Variants in PRP4K observed in about 807,000 individuals in gnomAD.
PRP4K encodes serine/threonine-protein kinase PRP4 homolog.
the PRP4K span, among the ~76,000 whole-genome samples, chr6:4,028,078 A>C: frequency 6.6e-6 from 1 of 152,312 alleles, no homozygotes; most frequent in Middle Eastern, 3.4e-3. Context: ...ATTTCTGGGG[A>C]CAAAGGATGA....
chr6:4,036,942 C>T, the PRP4K span, among the ~76,000 whole-genome samples: 5 of 143,452 alleles, frequency 3.5e-5, no homozygotes, highest in African/African-American at 7.9e-5. Flanking sequence ...CCCGTGTTTG[C>T]GCCACTGCAC....
At chr6:4,037,534 G>A in the PRP4K span, 1 of 1,613,900 alleles carries the variant, frequency 6.2e-7, no homozygotes, top group Non-Finnish European at 8.5e-7. Flanking sequence ...AGACGTAGCA[G>A]GTCTCCAAGA....
chr6:4,032,886 A>G, the PRP4K span: 2 of 1,092,940 alleles, frequency 1.8e-6, no homozygotes, highest in East Asian at 6.0e-5. Flanking sequence ...AATGAGTTTC[A>G]TAATTTTAAG....
the PRP4K span, among the ~76,000 whole-genome samples, chr6:4,033,641 A>G: frequency 2.6e-5 from 4 of 152,178 alleles, no homozygotes; most frequent in African/African-American, 7.2e-5. Flanking sequence ...GGCTTATACT[A>G]TATAAGGATG....
At chr6:4,060,863 TATA>T in the PRP4K span, 1 of 473,694 alleles carries the variant, frequency 2.1e-6, no homozygotes, top group Non-Finnish European at 3.8e-6. This position sits in a 1 kb window ranked among gnomAD's most constrained non-coding sequence, Gnocchi z 4.7. Context: ...AGTGCTAATG[TATA>T]TGGTTGCAGT....
At chr6:4,027,025 T>A in the PRP4K span, among the ~76,000 whole-genome samples, 2 of 152,260 alleles carry the variant, frequency 1.3e-5, no homozygotes, top group Non-Finnish European at 2.9e-5. Flanking sequence ...AGGGTGACCG[T>A]GGGAGAAGAG....
At chr6:4,052,681 C>T in the PRP4K span, 2 of 1,438,280 alleles carry the variant, frequency 1.4e-6, no homozygotes, top group Non-Finnish European at 1.9e-6. Context: ...TGCATTTTAA[C>T]TCCTATTTTG....
chr6:4,056,929 G>T, the PRP4K span: 1 of 1,184,050 alleles, frequency 8.4e-7, no homozygotes, highest in Non-Finnish European at 1.2e-6. Flanking sequence ...TGAAGATTGT[G>T]GTTATAGTCC....
chr6:4,061,120 G>A, the PRP4K span: 1 of 161,294 alleles, frequency 6.2e-6, no homozygotes, highest in African/African-American at 2.4e-5. Flanking sequence ...TTTAAAGCAG[G>A]TTGTGTGCAG....
chr6:4,043,258 A>G, the PRP4K span, among the ~76,000 whole-genome samples: 2 of 152,234 alleles, frequency 1.3e-5, no homozygotes, highest in African/African-American at 2.4e-5. Flanking sequence ...GGCAAAACTA[A>G]TTCCGGAGGA....
chr6:4,059,936 C>G, the PRP4K span, among the ~76,000 whole-genome samples: 1 of 152,166 alleles, frequency 6.6e-6, no homozygotes, highest in African/African-American at 2.4e-5. Flanking sequence ...TGAGCCACCG[C>G]GCCCAGCCCA....
the PRP4K span, among the ~76,000 whole-genome samples, chr6:4,043,626 TC>T: frequency 6.6e-6 from 1 of 152,146 alleles, no homozygotes; most frequent in Non-Finnish European, 1.5e-5. Context: ...AAAAACTTTT[TC>T]AGATTTTTGT....
the PRP4K span, among the ~76,000 whole-genome samples, chr6:4,059,893 C>A: frequency 6.6e-6 from 1 of 152,244 alleles, no homozygotes; most frequent in African/African-American, 2.4e-5. Flanking sequence ...GATCCACCTA[C>A]CTTGGGCTTC....
chr6:4,053,560 A>AT, the PRP4K span, among the ~76,000 whole-genome samples: 107,158 of 151,892 alleles, frequency 0.71, 37,853 homozygotes, highest in East Asian at 0.77. Flanking sequence ...TGGTGGTAAC[A>AT]GCAGATTTCA....
chr6:4,064,784 TCTC>T, the PRP4K span: 1 of 152,628 alleles, frequency 6.6e-6, no homozygotes, highest in African/African-American at 2.4e-5. Flanking sequence ...TAATTTTTCT[TCTC>T]CTTCTGTATA....
At chr6:4,035,284 A>ATTTTTTTTTTTTTTTTTT in the PRP4K span, among the ~76,000 whole-genome samples, 15 of 58,798 alleles carry the variant, frequency 2.6e-4, no homozygotes, top group East Asian at 6.0e-4. Context: ...CGCCCGGCTA[A>ATTTTTTTTTTTTTTTTTT]TTTTTTTTTT....
the PRP4K span, chr6:4,021,462 C>T: frequency 1.3e-6 from 2 of 1,583,392 alleles, no homozygotes; most frequent in Admixed American, 1.8e-5. Flanking sequence ...ACGGGAGCAG[C>T]CAGAGTAAGT....
At chr6:4,051,604 A>G in the PRP4K span, among the ~76,000 whole-genome samples, 2 of 152,198 alleles carry the variant, frequency 1.3e-5, no homozygotes, top group Non-Finnish European at 2.9e-5. Flanking sequence ...GGCATGAGCT[A>G]CCGCGCCTGG....
chr6:4,038,624 CTT>C, the PRP4K span, among the ~76,000 whole-genome samples: 21 of 152,206 alleles, frequency 1.4e-4, no homozygotes, highest in Non-Finnish European at 2.8e-4. Context: ...TTTCATCACA[CTT>C]TTTTGTTCTT....
Sources: gnomAD v4.1 joint callset for allele counts (sites outside exome capture counted in the v4.1 genomes callset) on GRCh38, gnomAD v4.1.1 for gene constraint, Gnocchi (gnomAD v3.1) non-coding constraint, MANE v1.5 for transcripts, NCBI Gene and HGNC (gene_info 2026-07-23, HGNC 2026-07-21) for gene names.